Variants in ARHGEF11 observed in about 807,000 individuals in gnomAD.
ARHGEF11 encodes the protein Rho guanine nucleotide exchange factor 11, also known as Rho guanine exchange factor (GEF) 11.
A neutral mutation model predicts 193.7 loss-of-function variants in ARHGEF11; 55 were observed. The ratio of observed to expected loss-of-function variants is 0.28; its 90% confidence interval spans 0.23 to 0.36. The LOEUF (loss-of-function observed/expected upper bound fraction) is 0.36, where lower values mean the gene tolerates loss of function less well. Ranked by LOEUF, ARHGEF11 falls within the 10% of genes least tolerant of loss-of-function variation. The pLI is 1.00. For missense variants in ARHGEF11, 1,723 were observed against 2,005.6 expected, an observed-to-expected ratio of 0.86 and a Z score of 2.69; for synonymous variants, 693 against 768.0, an observed-to-expected ratio of 0.90 and a Z score of 1.62.
intron 1 of ARHGEF11, among the ~76,000 whole-genome samples, chr1:157,017,724 A>AAAAAG (rs1669447995): frequency 6.6e-6 from 1 of 151,158 alleles, no homozygotes; most frequent in African/African-American, 2.4e-5. Context: ...AAAAAAAAAA[A>AAAAAG]AAAAAAAGAA....
intron 29 of ARHGEF11, chr1:156,945,747 C>A: frequency 2.9e-6 from 1 of 344,958 alleles, no homozygotes; most frequent in Non-Finnish European, 5.4e-6. Context: ...CCAGAGGGAC[C>A]CAGGTGCCCT....
At chr1:156,977,469 T>C (rs1015793692) in intron 6 of ARHGEF11, among the ~76,000 whole-genome samples, 3 of 152,074 alleles carry the variant, frequency 2.0e-5, no homozygotes, top group Non-Finnish European at 2.9e-5. Context: ...CTGGAGTGCA[T>C]TGGCACGATC....
In ARHGEF11 at chr1:156,939,711, C is replaced by T. The variant is rs765057222; in HGVS notation, c.3933G>A (p.Glu1311=). ...EGDNTQLAGL[E]GERPEQEDMG... Reference sequence around the variant, plus strand: ...TGTCTTCCTGCTCTGGCCGTTCCCCCTCCAGCCCTGCAAGCTGGGTGTTGT... The same window carrying T: ...TGTCTTCCTGCTCTGGCCGTTCCCCTTCCAGCCCTGCAAGCTGGGTGTTGT... The change falls in exon 37 of 41, where the codon GAG becomes GAA. Residue 1311 remains glutamate (E), a synonymous_variant. Coordinates refer to ENST00000368194, the MANE Select transcript of ARHGEF11 (RefSeq NM_198236.3). The T allele has an allele frequency of 2.7e-5, 44 of 1,614,008 alleles. No homozygotes were observed. In the East Asian group the frequency reaches 7.6e-4, roughly 28 times the overall value.
chr1:156,961,561 A>C (rs1660855252), intron 14 of ARHGEF11, 116 bp downstream of exon 14: 1 of 849,200 alleles, frequency 1.2e-6, no homozygotes, highest in Non-Finnish European at 1.9e-6. Flanking sequence ...CTCTCAGCCT[A>C]GATTTCTCTT....
rs966630814 is a variant in ARHGEF11, at chr1:156,962,604, C to T, written c.1140+599G>A. On this transcript the variant is annotated intron_variant, in intron 13 of 40. Transcript: ENST00000368194. ...TTAAAAAACGAAGGAAGAGGCCGGG[C>T]GTGGTGGCTCATGCCTGTAATCTCA... Among the ~76,000 whole-genome samples, 42 of 152,114 alleles carry T rather than the reference C, an allele frequency of 2.8e-4. No individual in the cohort carries two copies. In the East Asian group the frequency reaches 6.4e-3, roughly 23 times the overall value.
At chr1:157,002,803 C>T (rs1010569309) in intron 1 of ARHGEF11, among the ~76,000 whole-genome samples, 7 of 152,174 alleles carry the variant, frequency 4.6e-5, no homozygotes, top group African/African-American at 1.7e-4. Context: ...TCTTAAAGCA[C>T]TTACTGAGAC....
Position 156,943,928 on chromosome 1 carries a change from C to A in ARHGEF11, c.3235+7G>T. The A allele has an allele frequency of 6.2e-7, 1 of 1,608,964 alleles. No individual in the cohort carries two copies. Among genetic ancestry groups the A allele is most frequent in the Non-Finnish European group, 8.5e-7 (1 of 1,176,760 alleles). ...CCCAGGCCAGCCTGGACCATCTCCC[C>A]AGGTACCTGTGGCCACAGAGCGGAT... On this transcript the variant is annotated splice_region_variant and intron_variant, in intron 32 of 40. Transcript: ENST00000368194.
intron 17 of ARHGEF11, 115 bp downstream of exon 17, chr1:156,958,627 G>T: frequency 6.8e-7 from 1 of 1,459,972 alleles, no homozygotes; most frequent in Non-Finnish European, 9.4e-7. Flanking sequence ...ATCTTTCAGG[G>T]GCAGGAGAAT....
chr1:157,029,463 G>T (rs1671042724), intron 1 of ARHGEF11, among the ~76,000 whole-genome samples: 1 of 152,056 alleles, frequency 6.6e-6, no homozygotes, highest in South Asian at 2.1e-4. Context: ...GTAGAGATGG[G>T]GTTTCACCAT....
At position 156,969,346 on chromosome 1, in the gene ARHGEF11, A is replaced by G; in HGVS notation, c.761T>C (p.Leu254Pro). 6.2e-7 allele frequency: 1 copy of G among 1,608,566 alleles called. No individual in the cohort carries two copies. The highest frequency in any genetic ancestry group is 8.5e-7 in the Non-Finnish European group (1 of 1,177,286). Residue 254 changes from leucine to proline, a missense_variant, in exon 10 of 41, where the codon CTG (leucine) becomes CCG (proline). Leu to Pro is a moderately conservative substitution (Grantham distance 98). Transcript: ENST00000368194. ...SQRPSEGRLS[L>P]DSQEGDSGLD... ...GCCACTGTCCCCCTCCTGGGAATCC[A>G]GAGAGAGCCGGCCTGAGAAGAAAAT...
chr1:156,964,191 A>G (rs1368670065), intron 11 of ARHGEF11, among the ~76,000 whole-genome samples: 1 of 152,158 alleles, frequency 6.6e-6, no homozygotes, highest in African/African-American at 2.4e-5. Flanking sequence ...TTAGATCCCC[A>G]TTACCTGTCT....
At chr1:157,038,841 C>T (rs1672390246) in intron 1 of ARHGEF11, among the ~76,000 whole-genome samples, 1 of 152,060 alleles carries the variant, frequency 6.6e-6, no homozygotes. Context: ...CCACTCTGGG[C>T]AACATGGTGA....
intron 13 of ARHGEF11, among the ~76,000 whole-genome samples, chr1:156,962,564 T>C (rs1661043778): frequency 6.6e-6 from 1 of 152,114 alleles, no homozygotes; most frequent in South Asian, 2.1e-4. Flanking sequence ...CTAGTCGGTC[T>C]GTATCTACCT....
rs1347868807 is a variant in ARHGEF11 at position 156,984,426 on chromosome 1, G to A, written c.136C>T (p.Arg46Cys). The A allele has an allele frequency of 2.5e-6, 4 of 1,591,112 alleles. No individual in the cohort carries two copies. The highest frequency in any genetic ancestry group is 2.6e-6 in the Non-Finnish European group (3 of 1,168,092). ...DASETTGLVQ[R>C]CVIIQKDQHG... ...TGGTCCTTTTGGATAATGACACAGC[G>A]TTGAACGAGACCTGGAAGGCGGAGA... Residue 46 changes from arginine to cysteine, a missense_variant, in exon 3 of 41, where the codon CGC (arginine) becomes TGC (cysteine). Arg to Cys is a radical substitution (Grantham distance 180). This residue lies in a region of ARHGEF11 where 646 missense variants were observed against 710.7 expected (regional missense o/e 0.91). Coordinates refer to ENST00000368194, the MANE Select transcript of ARHGEF11 (RefSeq NM_198236.3).
intron 3 of ARHGEF11, among the ~76,000 whole-genome samples, chr1:156,981,902 GATCATTAA>G (rs1664234488): frequency 6.6e-6 from 1 of 152,180 alleles, no homozygotes; most frequent in African/African-American, 2.4e-5. Context: ...GCCCCAACGT[GATCATTAA>G]ATCTTTAAGT....
At chr1:157,019,475 T>C (rs886881167) in intron 1 of ARHGEF11, among the ~76,000 whole-genome samples, 6 of 152,202 alleles carry the variant, frequency 3.9e-5, no homozygotes, top group Non-Finnish European at 5.9e-5. Flanking sequence ...AGAAACAATT[T>C]GGAAATTTCT....
At chr1:157,007,754 C>T (rs1485640015) in intron 1 of ARHGEF11, among the ~76,000 whole-genome samples, 4 of 152,152 alleles carry the variant, frequency 2.6e-5, no homozygotes, top group South Asian at 4.1e-4. Context: ...TTTCTCTGAC[C>T]GCCTTATCTA....
intron 1 of ARHGEF11, among the ~76,000 whole-genome samples, chr1:156,995,708 T>G (rs954192197): frequency 9.9e-5 from 15 of 150,818 alleles, no homozygotes; most frequent in Non-Finnish European, 1.8e-4. Flanking sequence ...CAGCTTGTTT[T>G]TTTTTTTTTT....
In ARHGEF11 at chr1:156,935,805, GAC is replaced by G. The variant is rs1654938392; in HGVS notation, c.*193_*194del. 2 of 611,888 alleles carry G rather than the reference GAC, an allele frequency of 3.3e-6. No homozygotes were observed. The allele number at this position is 611,888 out of a possible 1,614,324, so 37.9% of individuals were successfully genotyped here. Reference sequence around the variant, plus strand: ...GAGGGTTGGGCTAAGGGAGGGAAAAGACACTGAAACCTGACTCCGACTTGAGC... The same window carrying G: ...GAGGGTTGGGCTAAGGGAGGGAAAAGACTGAAACCTGACTCCGACTTGAGC... On this transcript the variant is annotated 3_prime_UTR_variant, in exon 41 of 41. Transcript: ENST00000368194.
Sources: gnomAD v4.1 joint callset for allele counts (sites outside exome capture counted in the v4.1 genomes callset) on GRCh38, gnomAD v4.1.1 for gene constraint, gnomAD v4.1.1 regional missense constraint, MANE v1.5 for transcripts, NCBI Gene and HGNC (gene_info 2026-07-23, HGNC 2026-07-21) for gene names.